ATP8A1: variants seen among roughly 807,000 people sequenced by gnomAD.
The protein encoded by ATP8A1 is ATPase phospholipid transporting 8A1, also known as phospholipid-transporting ATPase IA.
A neutral mutation model predicts 177.7 loss-of-function variants in ATP8A1; 90 were observed. The observed-to-expected ratio is 0.51, with a 90% CI of 0.43 to 0.60. The LOEUF is 0.60. Among genes scored for constraint, ATP8A1 ranks in the 20% least tolerant of loss-of-function variants. The pLI is 0.00. For synonymous variants in ATP8A1, 493 were observed against 485.9 expected (o/e 1.01, Z -0.19); for missense variants, 1,072 against 1,392.8 (o/e 0.77, Z 3.67).
chr4:42,475,269 G>T (rs549095439), intron 25 of ATP8A1, among the ~76,000 whole-genome samples: 1 of 152,122 alleles, frequency 6.6e-6, no homozygotes, highest in Non-Finnish European at 1.5e-5. Flanking sequence ...GGGCTCAAGT[G>T]ATCCTCCTGT....
At chr4:42,642,893 G>A (rs893601449) in intron 1 of ATP8A1, among the ~76,000 whole-genome samples, 3 of 152,150 alleles carry the variant, frequency 2.0e-5, no homozygotes, top group African/African-American at 4.8e-5. Context: ...CCACTCCAGC[G>A]TTTTTAAAAG....
chr4:42,596,693 AAAAG>A (rs1316560366), intron 6 of ATP8A1, among the ~76,000 whole-genome samples: 1 of 151,980 alleles, frequency 6.6e-6, no homozygotes, highest in African/African-American at 2.4e-5. Context: ...AAGAAAAGAA[AAAAG>A]AAATACATAT....
At chr4:42,430,053 T>C (rs1294079364) in intron 33 of ATP8A1, among the ~76,000 whole-genome samples, 3 of 152,118 alleles carry the variant, frequency 2.0e-5, no homozygotes, top group African/African-American at 7.2e-5. Context: ...GTGGTGATGG[T>C]TGCACAATAA....
At chr4:42,537,468 A>G (rs565457844) in intron 20 of ATP8A1, among the ~76,000 whole-genome samples, 5 of 152,166 alleles carry the variant, frequency 3.3e-5, no homozygotes, top group Non-Finnish European at 5.9e-5. Context: ...ATAAACAGGA[A>G]GTCAAACTGT....
chr4:42,594,721 A>G (rs1423152708), intron 6 of ATP8A1, among the ~76,000 whole-genome samples: 1 of 152,118 alleles, frequency 6.6e-6, no homozygotes, highest in African/African-American at 2.4e-5. Flanking sequence ...TGGAGACGCT[A>G]TCATATATAA....
chr4:42,556,898 A>C (rs1281861326), intron 15 of ATP8A1, among the ~76,000 whole-genome samples: 1 of 152,220 alleles, frequency 6.6e-6, no homozygotes, highest in Non-Finnish European at 1.5e-5. Flanking sequence ...ATACTAAACA[A>C]TTATAATCCA....
chr4:42,610,197 CATCTT>C (rs1025820981), intron 5 of ATP8A1, among the ~76,000 whole-genome samples: 1 of 150,808 alleles, frequency 6.6e-6, no homozygotes. Context: ...TATCAGTCTG[CATCTT>C]ATCTTCCCGA....
chr4:42,630,003 G>C (rs1394494595), intron 1 of ATP8A1, among the ~76,000 whole-genome samples: 1 of 152,164 alleles, frequency 6.6e-6, no homozygotes, highest in Non-Finnish European at 1.5e-5. Flanking sequence ...TCACAGCTCT[G>C]GGTTAAAGGT....
rs79718591 is a variant in ATP8A1 at position 42,438,108 on chromosome 4, G to A, written c.3123+5457C>T. Among the ~76,000 whole-genome samples the A allele has an allele frequency of 2.0e-5, 3 of 152,282 alleles. No homozygotes were observed. In the East Asian group the frequency reaches 5.8e-4, roughly 29 times the overall value. On this transcript the variant is annotated intron_variant, in intron 33 of 36. Transcript: ENST00000381668. ...CTGGGAGAAAAGCCACAGGGAAGGG[G>A]AAAGAAAAGATGAGAGAAGAAATGG...
intron 24 of ATP8A1, among the ~76,000 whole-genome samples, chr4:42,489,329 C>T (rs1261819872): frequency 6.6e-6 from 1 of 152,152 alleles, no homozygotes; most frequent in Non-Finnish European, 1.5e-5. Flanking sequence ...GGTATGCAGT[C>T]CTGTGGTCCC....
chr4:42,616,951 C>T (rs1355611787), intron 4 of ATP8A1, among the ~76,000 whole-genome samples: 1 of 152,190 alleles, frequency 6.6e-6, no homozygotes, highest in Non-Finnish European at 1.5e-5. Flanking sequence ...TCCATTAACA[C>T]TGCAGAAGAG....
At chr4:42,578,435 T>C (rs750716457) in intron 11 of ATP8A1, 48 bp from the exon 12 acceptor site, 2 of 1,592,270 alleles carry the variant, frequency 1.3e-6, no homozygotes, top group African/African-American at 2.7e-5. Context: ...TATATTTTAT[T>C]TGCATTGACC....
intron 1 of ATP8A1, among the ~76,000 whole-genome samples, chr4:42,635,804 T>TATATATATAC (rs1739267439): frequency 8.7e-6 from 1 of 114,498 alleles, no homozygotes; most frequent in Non-Finnish European, 1.8e-5. Context: ...TATATATATA[T>TATATATATAC]ATATATACAC....
At chr4:42,502,454 G>C (rs1723948751) in intron 24 of ATP8A1, among the ~76,000 whole-genome samples, 1 of 152,114 alleles carries the variant, frequency 6.6e-6, no homozygotes, top group South Asian at 2.1e-4. Context: ...CCAAGAACTG[G>C]AGAAAGATGA....
chr4:42,636,154 A>ACGCGCGCGTGCGTGCG (rs765930469), intron 1 of ATP8A1, among the ~76,000 whole-genome samples: 4 of 47,540 alleles, frequency 8.4e-5, no homozygotes, highest in Admixed American at 7.1e-4. Flanking sequence ...ACACACACAC[A>ACGCGCGCGTGCGTGCG]CACGCACACA....
chr4:42,507,344 T>C (rs1388947093), intron 22 of ATP8A1, among the ~76,000 whole-genome samples, 190 bp from the exon 23 acceptor site: 1 of 152,198 alleles, frequency 6.6e-6, no homozygotes, highest in Non-Finnish European at 1.5e-5. Context: ...GGCATTACAC[T>C]GAGGCTCCCT....
intron 15 of ATP8A1, among the ~76,000 whole-genome samples, chr4:42,563,764 C>T (rs1167192901): frequency 6.6e-6 from 1 of 152,192 alleles, no homozygotes; most frequent in Non-Finnish European, 1.5e-5. Flanking sequence ...TGGCAGCTTT[C>T]ATGCAGTGTT....
rs189538464 is a variant in ATP8A1, at chr4:42,542,078, C to T, written c.1722+1839G>A. Among the ~76,000 whole-genome samples the T allele has an allele frequency of 5.0e-4, 63 of 124,816 alleles. 1 individual carries two copies. The highest frequency in any genetic ancestry group is 3.0e-3 in the Admixed American group (39 of 12,854). 81.9% of individuals were successfully genotyped at this position (124,816 alleles called of 152,430 possible). A position where few individuals can be genotyped will look rare whatever the true frequency, so the allele number is the denominator to read the frequency against. ...ATCATGGATTGTTACAAATGTACCACTCTGGTGGGGGATGTTGATAATGGG... is the reference window on the plus strand; with the variant it reads ...ATCATGGATTGTTACAAATGTACCATTCTGGTGGGGGATGTTGATAATGGG... On this transcript the variant is annotated intron_variant, in intron 20 of 36. Coordinates refer to ENST00000381668, the MANE Select transcript of ATP8A1 (RefSeq NM_006095.2).
At chr4:42,637,118 G>A (rs1739472827) in intron 1 of ATP8A1, 3 of 518,746 alleles carry the variant, frequency 5.8e-6, no homozygotes, top group Admixed American at 1.9e-5. Context: ...CCTTCTACAA[G>A]AAGCTAAGCC....
Sources: gnomAD v4.1 joint callset for allele counts (sites outside exome capture counted in the v4.1 genomes callset) on GRCh38, gnomAD v4.1.1 for gene constraint, MANE v1.5 for transcripts, NCBI Gene and HGNC (gene_info 2026-07-23, HGNC 2026-07-21) for gene names.